Variants in GRB10 observed in about 807,000 individuals in gnomAD.
GRB10 encodes growth factor receptor bound protein 10, also known as growth factor receptor-bound protein 10.
A neutral mutation model predicts 80.9 loss-of-function variants in GRB10; 20 were observed. That is an observed-to-expected ratio of 0.25 (90% CI 0.17 to 0.36). GRB10 has a LOEUF of 0.36. Ranked by LOEUF, GRB10 falls within the 10% of genes least tolerant of loss-of-function variation. GRB10 has a pLI of 1.00. For missense variants in GRB10, 548 were observed against 747.7 expected (o/e 0.73, Z 3.12); for synonymous variants, 291 against 291.5 (o/e 1.00, Z 0.02).
intron 3 of GRB10, among the ~76,000 whole-genome samples, chr7:50,747,253 G>A (rs186788611): frequency 1.0e-3 from 159 of 152,302 alleles, no homozygotes; most frequent in African/African-American, 3.6e-3. Flanking sequence ...GAGCCCAGGC[G>A]CGGTAGCTGA....
Position 50,618,060 on chromosome 7 carries a change from T to C in GRB10, c.846+11A>G, listed in dbSNP as rs779284628. On this transcript the variant is annotated intron_variant, in intron 10 of 18. Coordinates refer to ENST00000401949, the MANE Select transcript of GRB10 (RefSeq NM_001350814.2). The stretch of plus-strand genomic sequence containing the variant: ...AGTCTATTTCAGCAGAGATCTATTG[T>C]GGCCCAGTACCTGCAAAAGCTGGGT... 6.9e-6 allele frequency: 11 copies of C among 1,603,638 alleles called. No homozygotes were observed. The South Asian group carries it at 1.2e-4, about 18-fold the overall frequency.
chr7:50,703,311 G>A lies in GRB10; in HGVS notation c.139+510C>T, dbSNP rs188315225. Among the ~76,000 whole-genome samples, 15 of 152,200 alleles carry A rather than the reference G, an allele frequency of 9.9e-5. No homozygotes were observed. In the East Asian group the frequency reaches 1.7e-3, roughly 18 times the overall value. ...TTAATCCTCAGGCTCCTCATCCTAC[G>A]GCAAAGCTTCCATTTATTCAATCTA... On this transcript the variant is annotated intron_variant, in intron 5 of 18. Coordinates refer to ENST00000401949, the MANE Select transcript of GRB10 (RefSeq NM_001350814.2).
intron 5 of GRB10, among the ~76,000 whole-genome samples, chr7:50,683,553 A>G (rs148635648): frequency 0.08 from 12,140 of 152,206 alleles, 712 homozygotes; most frequent in South Asian, 0.12. Flanking sequence ...CCTGATCAAC[A>G]TGGCGAAACC....
intron 2 of GRB10, among the ~76,000 whole-genome samples, chr7:50,776,175 A>G (rs1227414315): frequency 6.6e-6 from 1 of 152,122 alleles, no homozygotes; most frequent in African/African-American, 2.4e-5. Flanking sequence ...TGTTTTTACA[A>G]CCTGGGCAAG....
intron 10 of GRB10, among the ~76,000 whole-genome samples, chr7:50,617,483 G>A (rs1431004417): frequency 6.6e-6 from 1 of 152,204 alleles, no homozygotes; most frequent in Non-Finnish European, 1.5e-5. Context: ...AGGAGTGTGT[G>A]TGAGAGCTGG....
chr7:50,605,419 G>A lies in GRB10; in HGVS notation c.1273-13C>T, dbSNP rs376305236. 8.8e-6 allele frequency: 14 copies of A among 1,597,710 alleles called. No homozygotes were observed. The highest frequency in any genetic ancestry group is 1.2e-5 in the Non-Finnish European group (14 of 1,165,048). On this transcript the variant is annotated splice_polypyrimidine_tract_variant and intron_variant, in intron 14 of 18. Coordinates refer to ENST00000401949, the MANE Select transcript of GRB10 (RefSeq NM_001350814.2). ...CGGAGACACTGCGCTGAAAAGGAAA[G>A]GCCGCAGTTCTTAAAATGCAGGGAA...
intron 7 of GRB10, among the ~76,000 whole-genome samples, chr7:50,668,342 G>C (rs1416000649): frequency 1.4e-5 from 2 of 147,570 alleles, no homozygotes. Context: ...GTAGGGAGAA[G>C]AGATGATTCA....
intron 3 of GRB10, among the ~76,000 whole-genome samples, chr7:50,751,446 T>C (rs556503002): frequency 1.3e-5 from 2 of 152,276 alleles, no homozygotes; most frequent in African/African-American, 2.4e-5. Flanking sequence ...GAGTGAAATA[T>C]TGATAGACGA....
rs990404847 is a variant in GRB10 at position 50,658,252 on chromosome 7, A to C, written c.504+11470T>G. On this transcript the variant is annotated intron_variant, in intron 7 of 18. Coordinates refer to ENST00000401949, the MANE Select transcript of GRB10 (RefSeq NM_001350814.2). ...TCCAGTGGGTGAACTGTGGATTCCTACTCAAAACCAAACACAAACCAGCAG... is the reference window on the plus strand; with the variant it reads ...TCCAGTGGGTGAACTGTGGATTCCTCCTCAAAACCAAACACAAACCAGCAG... Among the ~76,000 whole-genome samples, 7 of 152,320 alleles carry C rather than the reference A, an allele frequency of 4.6e-5. No homozygotes were observed. The East Asian group carries it at 1.2e-3, about 25-fold the overall frequency.
chr7:50,669,813 ATGG>A lies in GRB10; in HGVS notation c.410_412del (p.Ala137_Ile138delinsVal). The A allele has an allele frequency of 1.2e-6, 2 of 1,613,954 alleles. No homozygotes were observed. Among genetic ancestry groups the A allele is most frequent in the Non-Finnish European group, 1.7e-6 (2 of 1,179,952 alleles). ...ACAGAGTTCAGGAAAAGGATTGGGG[ATGG>A]CCGGCAGAGATGAGGTTCTAAACTG... On this transcript the variant is annotated inframe_deletion, in exon 7 of 19. Transcript: ENST00000401949.
chr7:50,644,013 T>C (rs753197021), intron 7 of GRB10, among the ~76,000 whole-genome samples: 20 of 152,194 alleles, frequency 1.3e-4, no homozygotes, highest in Non-Finnish European at 1.9e-4. Context: ...GTAGTATCTT[T>C]TCCCATAGTA....
chr7:50,756,719 C>A (rs953923365), intron 2 of GRB10, among the ~76,000 whole-genome samples: 2 of 152,182 alleles, frequency 1.3e-5, no homozygotes, highest in African/African-American at 2.4e-5. Context: ...GAAACCCCTA[C>A]CGGAGGAGAC....
At chr7:50,677,056 CAG>C (rs1216468137) in intron 5 of GRB10, among the ~76,000 whole-genome samples, 4 of 152,082 alleles carry the variant, frequency 2.6e-5, no homozygotes, top group South Asian at 4.1e-4. Flanking sequence ...CTTAGAAAAA[CAG>C]GGGTCAGATG....
intron 3 of GRB10, among the ~76,000 whole-genome samples, chr7:50,755,612 G>C (rs370931353): frequency 1.3e-5 from 2 of 152,052 alleles, no homozygotes; most frequent in Non-Finnish European, 2.9e-5. Flanking sequence ...AGGCATGTCC[G>C]CGAGGAGAGT....
chr7:50,731,678 C>T (rs965824975), intron 4 of GRB10, among the ~76,000 whole-genome samples: 1 of 152,216 alleles, frequency 6.6e-6, no homozygotes, highest in African/African-American at 2.4e-5. Context: ...GCAGATGAAA[C>T]TGTTCTAGCA....
intron 16 of GRB10, 96 bp downstream of exon 16, chr7:50,604,214 TG>T: frequency 7.7e-7 from 1 of 1,303,526 alleles, no homozygotes; most frequent in Non-Finnish European, 1.1e-6. Context: ...TGGTGCACTC[TG>T]GCCACAGGCA....
intron 3 of GRB10, among the ~76,000 whole-genome samples, chr7:50,738,868 G>A (rs1048201696): frequency 6.6e-6 from 1 of 151,998 alleles, no homozygotes; most frequent in African/African-American, 2.4e-5. Flanking sequence ...TGATTAAAAG[G>A]GCCTACTAAC....
chr7:50,783,517 T>TAC (rs2078532722), upstream of GRB10, among the ~76,000 whole-genome samples: 8 of 144,836 alleles, frequency 5.5e-5, no homozygotes, highest in East Asian at 1.2e-3. Flanking sequence ...CACACACACA[T>TAC]ACACCACACA....
At chr7:50,739,153 C>T (rs993273663) in intron 3 of GRB10, among the ~76,000 whole-genome samples, 3 of 152,164 alleles carry the variant, frequency 2.0e-5, no homozygotes, top group South Asian at 2.1e-4. Flanking sequence ...TGAAGTTGAA[C>T]GTCTTTGTGT....
Sources: allele counts gnomAD v4.1 joint callset (sites outside exome capture counted in the v4.1 genomes callset), GRCh38; gene constraint gnomAD v4.1.1; transcripts MANE v1.5; gene names NCBI Gene and HGNC (gene_info 2026-07-23, HGNC 2026-07-21).